The following ANK3 variants were observed in gnomAD, a reference collection of about 807,000 sequenced individuals.
The protein encoded by ANK3 is ankyrin-3.
A neutral mutation model predicts 370.9 loss-of-function variants in ANK3; 57 were observed. The ratio of observed to expected loss-of-function variants is 0.15; its 90% CI spans 0.12 to 0.19. ANK3 has a LOEUF of 0.19. Ranked by LOEUF, ANK3 falls within the 10% of genes least tolerant of loss-of-function variation. ANK3 has a pLI of 1.00. For synonymous variants in ANK3, 1,929 were observed against 1,946.3 expected (o/e 0.99, Z 0.23); for missense variants, 4,439 against 5,302.1 (o/e 0.84, Z 5.06).
intron 8 of ANK3, among the ~76,000 whole-genome samples, chr10:60,219,069 T>G (rs141887216): frequency 6.6e-6 from 1 of 151,920 alleles, no homozygotes; most frequent in African/African-American, 2.4e-5. Flanking sequence ...CTTGGTTGAT[T>G]TAGCTATTGA....
intron 2 of ANK3, among the ~76,000 whole-genome samples, chr10:60,455,012 G>C (rs1038476779): frequency 2.6e-5 from 4 of 152,120 alleles, no homozygotes; most frequent in African/African-American, 9.7e-5. Flanking sequence ...CTTTGGTGTG[G>C]TGTGCCCAAA....
intron 1 of ANK3, among the ~76,000 whole-genome samples, chr10:60,358,858 G>T (rs529342679): frequency 7.9e-5 from 12 of 151,440 alleles, no homozygotes; most frequent in Non-Finnish European, 1.3e-4. Context: ...TTTTGGAAAA[G>T]ATTTTTTATT....
chr10:60,647,604 G>C (rs1341800041), intron 1 of ANK3, among the ~76,000 whole-genome samples: 1 of 133,582 alleles, frequency 7.5e-6, no homozygotes, highest in Non-Finnish European at 1.7e-5. Context: ...TCTAAAAACA[G>C]TAAAAAAAAA....
At chr10:60,162,601 A>T (rs2095526706) in intron 23 of ANK3, among the ~76,000 whole-genome samples, 1 of 152,154 alleles carries the variant, frequency 6.6e-6, no homozygotes, top group Admixed American at 6.6e-5. Flanking sequence ...TTGCTTTATT[A>T]TATCTCAAAC....
chr10:60,223,889 T>C (rs1359770118), intron 8 of ANK3, among the ~76,000 whole-genome samples: 2 of 152,156 alleles, frequency 1.3e-5, no homozygotes, highest in African/African-American at 4.8e-5. Flanking sequence ...GATACTGTGC[T>C]TTGCAATGTA....
chr10:60,667,965 T>C (rs2079019212), intron 1 of ANK3, among the ~76,000 whole-genome samples: 1 of 149,662 alleles, frequency 6.7e-6, no homozygotes, highest in South Asian at 2.1e-4. Flanking sequence ...CTGGGAACCA[T>C]CCCTCAGCTT....
At chr10:60,319,019 G>A (rs1053639733) in intron 1 of ANK3, among the ~76,000 whole-genome samples, 3 of 152,184 alleles carry the variant, frequency 2.0e-5, no homozygotes, top group African/African-American at 7.2e-5. Context: ...GCCTTGCAGA[G>A]CCTAATGTAC....
At chr10:60,143,911 G>A (rs1565288498) in intron 23 of ANK3, among the ~76,000 whole-genome samples, 2 of 152,164 alleles carry the variant, frequency 1.3e-5, no homozygotes, top group African/African-American at 2.4e-5. Context: ...GAAGCTCAAG[G>A]TAGCCATATG....
intron 28 of ANK3, among the ~76,000 whole-genome samples, chr10:60,100,081 C>T (rs1276850347): frequency 1.3e-5 from 2 of 152,022 alleles, no homozygotes; most frequent in Non-Finnish European, 2.9e-5. Context: ...TTGCTTTGTC[C>T]TAATTTTCAT....
intron 2 of ANK3, among the ~76,000 whole-genome samples, chr10:60,519,707 A>G (rs1567113712): frequency 6.6e-6 from 1 of 152,176 alleles, no homozygotes; most frequent in Non-Finnish European, 1.5e-5. Context: ...CCTGTTCTAG[A>G]TACTGGGGAC....
At chr10:60,049,172 A>T (rs1376123360) in intron 42 of ANK3, among the ~76,000 whole-genome samples, 2 of 152,212 alleles carry the variant, frequency 1.3e-5, no homozygotes, top group East Asian at 3.8e-4. Context: ...TTTCCATCTC[A>T]TATGAAAGAT....
intron 28 of ANK3, among the ~76,000 whole-genome samples, chr10:60,094,281 G>A (rs1211887108): frequency 6.8e-6 from 1 of 147,760 alleles, no homozygotes; most frequent in African/African-American, 2.5e-5. Flanking sequence ...TTCACCTCCC[G>A]GATTCAAGCA....
chr10:60,282,620 C>T (rs2098180657), intron 1 of ANK3, among the ~76,000 whole-genome samples: 1 of 152,150 alleles, frequency 6.6e-6, no homozygotes, highest in Admixed American at 6.5e-5. Flanking sequence ...TCCTGCTCTA[C>T]TGATACAAAA....
intron 23 of ANK3, among the ~76,000 whole-genome samples, chr10:60,148,952 G>A (rs2094955311): frequency 1.3e-5 from 2 of 152,084 alleles, no homozygotes; most frequent in South Asian, 2.1e-4. Context: ...CCTCTTCATT[G>A]CCTAGGCACA....
intron 2 of ANK3, among the ~76,000 whole-genome samples, chr10:60,544,111 G>T (rs905983156): frequency 2.4e-4 from 37 of 152,060 alleles, no homozygotes; most frequent in African/African-American, 8.4e-4. Context: ...TCAGAAATTT[G>T]TAGAAAGCAA....
chr10:60,224,517 A>G (rs1287755907), intron 8 of ANK3, among the ~76,000 whole-genome samples: 1 of 152,194 alleles, frequency 6.6e-6, no homozygotes, highest in East Asian at 1.9e-4. Flanking sequence ...ACCTAGGACT[A>G]TGAAACCAGA....
At chr10:60,331,924 T>G (rs1472293686) in intron 1 of ANK3, among the ~76,000 whole-genome samples, 1 of 152,056 alleles carries the variant, frequency 6.6e-6, no homozygotes, top group African/African-American at 2.4e-5. Flanking sequence ...CAGAAAGAAA[T>G]TGATTCTTTT....
At chr10:60,358,365 C>T (rs542127887) in intron 1 of ANK3, among the ~76,000 whole-genome samples, 1 of 152,296 alleles carries the variant, frequency 6.6e-6, no homozygotes, top group South Asian at 2.1e-4. Flanking sequence ...GTATCAGACA[C>T]TGTTGGTTGG....
intron 1 of ANK3, among the ~76,000 whole-genome samples, chr10:60,675,958 C>T (rs1589010939): frequency 6.6e-6 from 1 of 152,108 alleles, no homozygotes; most frequent in East Asian, 1.9e-4. Context: ...AAAGAATCTA[C>T]ATTTAAAACC....
Sources: gnomAD v4.1 joint callset for allele counts (sites outside exome capture counted in the v4.1 genomes callset) on GRCh38, gnomAD v4.1.1 for gene constraint, MANE v1.5 for transcripts, NCBI Gene and HGNC (gene_info 2026-07-23, HGNC 2026-07-21) for gene names.